Variants in DAPP1 observed in about 807,000 individuals in gnomAD.
DAPP1 encodes dual adapter for phosphotyrosine and 3-phosphotyrosine and 3-phosphoinositide.
Under a neutral mutation model 41.5 loss-of-function variants are expected in DAPP1, and 20 were observed. The observed-to-expected ratio is 0.48, with a 90% confidence interval of 0.34 to 0.70. The LOEUF (loss-of-function observed/expected upper bound fraction) is 0.70. Among genes scored for constraint, DAPP1 ranks in the 30% least tolerant of loss-of-function variants. DAPP1 has a pLI of 0.01. For synonymous variants in DAPP1, 113 were observed against 116.2 expected, an observed-to-expected ratio of 0.97 and a Z score of 0.18; for missense variants, 233 against 333.4, an observed-to-expected ratio of 0.70 and a Z score of 2.35.
chr4:99,836,699 T>C lies in DAPP1; in HGVS notation c.224+954T>C, dbSNP rs565849892. On this transcript the variant is annotated intron_variant, in intron 2 of 8. Transcript: ENST00000512369. ...ACTGGTCACTAACTCAGTAGCAGCATTCACATTGTCTCTTTGGGCTCTGGG... is the reference window on the plus strand; with the variant it reads ...ACTGGTCACTAACTCAGTAGCAGCACTCACATTGTCTCTTTGGGCTCTGGG... Among the ~76,000 whole-genome samples, 13 of 152,344 alleles carry C rather than the reference T, an allele frequency of 8.5e-5. No homozygotes were observed. In the East Asian group the frequency reaches 2.3e-3, roughly 27 times the overall value.
At chr4:99,833,447 C>T (rs1723189596) in intron 1 of DAPP1, among the ~76,000 whole-genome samples, 1 of 152,046 alleles carries the variant, frequency 6.6e-6, no homozygotes, top group South Asian at 2.1e-4. Flanking sequence ...TCTTGGAGAC[C>T]TATGTAAAAA....
Position 99,835,838 on chromosome 4 carries a change from C to G in DAPP1, c.224+93C>G. 2.6e-6 allele frequency: 4 copies of G among 1,510,734 alleles called. No homozygotes were observed. In the Admixed American group the frequency reaches 8.2e-5, roughly 31 times the overall value. 93.6% of individuals were successfully genotyped at this position (1,510,734 alleles called of 1,614,324 possible). ...TCAAATTGCCAGACAGCAAAACTTC[C>G]CAATTCCTGTTGGACCACCAGGTTA... On this transcript the variant is annotated intron_variant, in intron 2 of 8. Coordinates refer to ENST00000512369, the MANE Select transcript of DAPP1 (RefSeq NM_014395.3).
At chr4:99,821,135 T>C (rs1032659156) in intron 1 of DAPP1, among the ~76,000 whole-genome samples, 1 of 152,198 alleles carries the variant, frequency 6.6e-6, no homozygotes, top group Admixed American at 6.5e-5. Context: ...GTGTCTGTGT[T>C]CAAAACCCAT....
chr4:99,838,220 A>G (rs1004160468), intron 2 of DAPP1, among the ~76,000 whole-genome samples: 10 of 152,216 alleles, frequency 6.6e-5, no homozygotes, highest in South Asian at 2.1e-4. Flanking sequence ...TCAATGACAT[A>G]CATATTTCAT....
At chr4:99,825,463 G>C (rs1220296114) in intron 1 of DAPP1, among the ~76,000 whole-genome samples, 2 of 152,052 alleles carry the variant, frequency 1.3e-5, no homozygotes. Context: ...AAAAAACTTG[G>C]GACCTGCCTT....
In DAPP1 at chr4:99,847,269, C is replaced by A. The variant is rs1723696516; in HGVS notation, c.359-5949C>A. On this transcript the variant is annotated intron_variant, in intron 3 of 8. Transcript: ENST00000512369. ...CTTTAGGAGTTTTGTGTACCCTGTGCTACACTCTATTTCAGATACCAAACC... is the reference window on the plus strand; with the variant it reads ...CTTTAGGAGTTTTGTGTACCCTGTGATACACTCTATTTCAGATACCAAACC... Among the ~76,000 whole-genome samples the A allele has an allele frequency of 2.6e-5, 4 of 152,314 alleles. No individual in the cohort carries two copies. The South Asian group carries it at 6.2e-4, about 24-fold the overall frequency.
chr4:99,820,147 G>A (rs1722723957), intron 1 of DAPP1, among the ~76,000 whole-genome samples: 2 of 152,140 alleles, frequency 1.3e-5, no homozygotes, highest in Non-Finnish European at 2.9e-5. Flanking sequence ...AGAGGTGTGG[G>A]GAGGGCAAGA....
intron 3 of DAPP1, among the ~76,000 whole-genome samples, chr4:99,840,744 C>A (rs537531659): frequency 1.3e-5 from 2 of 152,276 alleles, no homozygotes; most frequent in Non-Finnish European, 1.5e-5. Flanking sequence ...GTGAGACCCA[C>A]AGAAGTAAAT....
intron 1 of DAPP1, among the ~76,000 whole-genome samples, chr4:99,827,044 T>C (rs1033487633): frequency 1.3e-5 from 2 of 152,200 alleles, no homozygotes; most frequent in South Asian, 2.1e-4. Context: ...CTGTTCACAT[T>C]ATTGAAGTGA....
intron 1 of DAPP1, among the ~76,000 whole-genome samples, chr4:99,835,090 C>G (rs1023128450): frequency 6.6e-5 from 10 of 151,866 alleles, no homozygotes; most frequent in Admixed American, 5.2e-4. Flanking sequence ...CTCACTGCAA[C>G]CTCCGTCCCC....
At chr4:99,851,370 T>G (rs913865110) in intron 3 of DAPP1, among the ~76,000 whole-genome samples, 4 of 152,030 alleles carry the variant, frequency 2.6e-5, no homozygotes, top group Admixed American at 2.6e-4. Flanking sequence ...AGGCTTTCAT[T>G]CTTCTCTGAG....
At chr4:99,835,251 C>T (rs565193294) in intron 1 of DAPP1, among the ~76,000 whole-genome samples, 70 of 152,172 alleles carry the variant, frequency 4.6e-4, no homozygotes, top group African/African-American at 1.4e-3. Context: ...TCAAGTGATC[C>T]GCCTGCCTTG....
chr4:99,857,500 A>C (rs1724084603), intron 4 of DAPP1, among the ~76,000 whole-genome samples: 1 of 152,142 alleles, frequency 6.6e-6, no homozygotes, highest in Non-Finnish European at 1.5e-5. Flanking sequence ...CCTTCTAAAA[A>C]TTCTGTTTCC....
chr4:99,859,019 C>T (rs992688524), intron 4 of DAPP1, among the ~76,000 whole-genome samples: 1 of 152,112 alleles, frequency 6.6e-6, no homozygotes, highest in Non-Finnish European at 1.5e-5. Context: ...CCTCCTCAGC[C>T]TCCTGAGTAG....
intron 5 of DAPP1, among the ~76,000 whole-genome samples, 165 bp from the exon 6 acceptor site, chr4:99,862,845 G>A (rs535891201): frequency 6.6e-6 from 1 of 152,058 alleles, no homozygotes; most frequent in South Asian, 2.1e-4. Context: ...TAGATATTTT[G>A]AAACTTTTTT....
intron 3 of DAPP1, among the ~76,000 whole-genome samples, chr4:99,848,332 A>G (rs1479328350): frequency 6.7e-6 from 1 of 149,348 alleles, no homozygotes; most frequent in East Asian, 2.0e-4. Flanking sequence ...GGTTAAAGGG[A>G]TTCTCCTGCT....
Position 99,868,703 on chromosome 4 carries a change from A to G in DAPP1, c.*518A>G, listed in dbSNP as rs1724548620. 6.7e-6 allele frequency: 1 copy of G among 149,380 alleles called. No individual in the cohort carries two copies. Among genetic ancestry groups the G allele is most frequent in the African/African-American group, 2.4e-5 (1 of 40,832 alleles). The allele number at this position is 149,380 out of a possible 1,614,324, so 9.3% of individuals were successfully genotyped here. ...TTTTTAATTTTTCCCCCTTTATACAAAAAAAAAAGAACATTTCCAAAACTA... is the reference window on the plus strand; with the variant it reads ...TTTTTAATTTTTCCCCCTTTATACAGAAAAAAAAGAACATTTCCAAAACTA... On this transcript the variant is annotated 3_prime_UTR_variant, in exon 9 of 9. Transcript: ENST00000512369.
chr4:99,851,365 T>C (rs1723852900), intron 3 of DAPP1, among the ~76,000 whole-genome samples: 1 of 152,050 alleles, frequency 6.6e-6, no homozygotes, highest in African/African-American at 2.4e-5. Flanking sequence ...GCCAGAGGCT[T>C]TCATTCTTCT....
rs1204260633 is a variant in DAPP1, at chr4:99,830,531, A to G, written c.102-5092A>G. On this transcript the variant is annotated intron_variant, in intron 1 of 8. Coordinates refer to ENST00000512369, the MANE Select transcript of DAPP1 (RefSeq NM_014395.3). ...AGGAACTGTCAGTATTCAGTGCCAC[A>G]TATAGAGCCTCAATATCCTCCACCT... 3.3e-5 allele frequency among the ~76,000 whole-genome samples: 5 copies of G among 152,202 alleles called. No homozygotes were observed. In the East Asian group the frequency reaches 9.6e-4, roughly 29 times the overall value.
Sources: allele counts gnomAD v4.1 joint callset (sites outside exome capture counted in the v4.1 genomes callset), GRCh38; gene constraint gnomAD v4.1.1; transcripts MANE v1.5; gene names NCBI Gene and HGNC (gene_info 2026-07-23, HGNC 2026-07-21).